The following MCPH1 variants were observed in gnomAD, a reference collection of about 807,000 sequenced individuals.
MCPH1 encodes the protein microcephalin 1.
Under a neutral mutation model 84.5 loss-of-function variants are expected in MCPH1, and 104 were observed. The ratio of observed to expected loss-of-function variants is 1.23; its 90% CI spans 1.05 to 1.45. The LOEUF is 1.45. Among genes scored for constraint, MCPH1 ranks in the 40% most tolerant of loss-of-function variants. The probability of loss-of-function intolerance (pLI) is 0.00; values close to 1 mark genes in which losing one functional copy is unlikely to be tolerated. For synonymous variants in MCPH1, 514 were observed against 366.8 expected, an observed-to-expected ratio of 1.40 and a Z score of -4.58; for missense variants, 1,498 against 1,005.7, an observed-to-expected ratio of 1.49 and a Z score of -6.62.
intron 13 of MCPH1, among the ~76,000 whole-genome samples, chr8:6,631,762 A>G (rs954279416): frequency 6.6e-5 from 10 of 152,188 alleles, no homozygotes; most frequent in Admixed American, 6.5e-4. Context: ...TGTAGCCACG[A>G]TAGAAAACAG....
chr8:6,457,725 G>A (rs1311455149), intron 9 of MCPH1, among the ~76,000 whole-genome samples: 7 of 152,212 alleles, frequency 4.6e-5, no homozygotes, highest in Non-Finnish European at 5.9e-5. Flanking sequence ...TAGTGAGGGC[G>A]AAGAATCCAC....
intron 12 of MCPH1, among the ~76,000 whole-genome samples, chr8:6,600,937 T>A (rs1033365547): frequency 3.3e-5 from 5 of 152,128 alleles, no homozygotes; most frequent in African/African-American, 1.2e-4. Context: ...CCATGCACCG[T>A]TCAGAATCGC....
At chr8:6,533,569 CTT>C (rs56882906) in intron 12 of MCPH1, among the ~76,000 whole-genome samples, 7 of 113,350 alleles carry the variant, frequency 6.2e-5, no homozygotes, top group Non-Finnish European at 1.0e-4. Context: ...CGTTTAGTTT[CTT>C]TTTTTTTTTT....
At chr8:6,592,539 C>G (rs574319007) in intron 12 of MCPH1, among the ~76,000 whole-genome samples, 32 of 151,464 alleles carry the variant, frequency 2.1e-4, no homozygotes, top group African/African-American at 7.3e-4. Context: ...TCCATTCTTC[C>G]TCTCTCTCTA....
At chr8:6,510,091 G>T (rs1303960115) in intron 12 of MCPH1, among the ~76,000 whole-genome samples, 1 of 152,034 alleles carries the variant, frequency 6.6e-6, no homozygotes, top group Admixed American at 6.5e-5. Flanking sequence ...GCTTACATCG[G>T]TCATCTGTGT....
intron 13 of MCPH1, among the ~76,000 whole-genome samples, chr8:6,627,500 G>T (rs1297689444): frequency 2.0e-5 from 3 of 152,206 alleles, no homozygotes; most frequent in East Asian, 1.9e-4. Context: ...CCTTTGAGTT[G>T]TTCTTAAAAC....
intron 5 of MCPH1, among the ~76,000 whole-genome samples, chr8:6,437,826 C>G (rs1034829781): frequency 1.3e-5 from 2 of 152,134 alleles, no homozygotes; most frequent in South Asian, 4.1e-4. Context: ...TCTGTTTTCT[C>G]CTTCCCTCCT....
intron 3 of MCPH1, among the ~76,000 whole-genome samples, chr8:6,417,699 C>G (rs943068805): frequency 3.3e-5 from 5 of 152,026 alleles, no homozygotes; most frequent in Admixed American, 6.5e-5. Context: ...TTTGGTTTTC[C>G]TGTCTTCGGT....
intron 12 of MCPH1, among the ~76,000 whole-genome samples, chr8:6,544,052 G>C (rs1286154410): frequency 3.3e-5 from 5 of 152,198 alleles, no homozygotes; most frequent in Admixed American, 2.6e-4. Flanking sequence ...TGGAGCAAAA[G>C]CAAAACAATA....
chr8:6,511,982 T>G lies in MCPH1; in HGVS notation c.2214+12053T>G, dbSNP rs142723029. 4.6e-3 allele frequency among the ~76,000 whole-genome samples: 704 copies of G among 152,008 alleles called. 5 individuals are homozygous for G. The highest frequency in any genetic ancestry group is 0.016 in the African/African-American group (675 of 41,444). ...AATATTTAACTTGGAGGTAAAACAC[T>G]GACCAACCACTTGTGTCTCAAAATT... On this transcript the variant is annotated intron_variant, in intron 12 of 13. Coordinates refer to ENST00000344683, the MANE Select transcript of MCPH1 (RefSeq NM_024596.5).
rs571369735 is a variant in MCPH1 at position 6,533,969 on chromosome 8, A to G, written c.2214+34040A>G. ...ACTGGTATCAGATGGTTTTAGGATT[A>G]GGCTGGAACTATAAGTTTCCTGTTT... On this transcript the variant is annotated intron_variant, in intron 12 of 13. Coordinates refer to ENST00000344683, the MANE Select transcript of MCPH1 (RefSeq NM_024596.5). Among the ~76,000 whole-genome samples the G allele has an allele frequency of 2.6e-4, 39 of 152,286 alleles. 1 individual carries two copies. Among genetic ancestry groups the G allele is most frequent in the Middle Eastern group, 3.4e-3 (1 of 294 alleles).
intron 12 of MCPH1, among the ~76,000 whole-genome samples, chr8:6,613,312 G>A (rs1304214146): frequency 6.6e-6 from 1 of 152,356 alleles, no homozygotes. Context: ...AGGGCCACAC[G>A]GCCAACGGTC....
intron 12 of MCPH1, among the ~76,000 whole-genome samples, chr8:6,618,312 G>A (rs1024196351): frequency 6.6e-6 from 1 of 152,220 alleles, no homozygotes; most frequent in Non-Finnish European, 1.5e-5. Context: ...ATGTACCAGT[G>A]TGGGGGAAAT....
rs1224879261 is a variant in MCPH1, at chr8:6,480,946, C to T, written c.2136+70C>T. The T allele has an allele frequency of 3.8e-5, 59 of 1,556,926 alleles. 2 individuals carry two copies. The highest frequency in any genetic ancestry group is 3.5e-4 in the South Asian group (31 of 89,836). On this transcript the variant is annotated intron_variant, in intron 11 of 13. Coordinates refer to ENST00000344683, the MANE Select transcript of MCPH1 (RefSeq NM_024596.5). ...GATAGAGTGGGTCACCCTGAGGTGCCGACATCAGCACTCAGGCCGGCGTGC... is the reference window on the plus strand; with the variant it reads ...GATAGAGTGGGTCACCCTGAGGTGCTGACATCAGCACTCAGGCCGGCGTGC...
intron 4 of MCPH1, among the ~76,000 whole-genome samples, chr8:6,433,611 C>T (rs548197128): frequency 2.5e-5 from 3 of 120,088 alleles, no homozygotes; most frequent in African/African-American, 3.5e-5. Flanking sequence ...CCAGCCTGGG[C>T]GACAGCAAGG....
At chr8:6,540,383 A>G (rs777057174) in intron 12 of MCPH1, among the ~76,000 whole-genome samples, 2 of 152,138 alleles carry the variant, frequency 1.3e-5, no homozygotes, top group Non-Finnish European at 2.9e-5. Flanking sequence ...GTTTAAGGAG[A>G]CTGCTGTAGT....
intron 2 of MCPH1, among the ~76,000 whole-genome samples, chr8:6,410,454 T>C (rs1433661068): frequency 6.6e-6 from 1 of 152,226 alleles, no homozygotes; most frequent in Non-Finnish European, 1.5e-5. Context: ...ATCATTGAGC[T>C]ATGAGGAAAT....
At chr8:6,503,308 C>T (rs1487257949) in intron 12 of MCPH1, 5 of 1,604,746 alleles carry the variant, frequency 3.1e-6, no homozygotes, top group Middle Eastern at 1.7e-4. Flanking sequence ...GTGATGCCAG[C>T]TCCCACCACG....
In MCPH1 at chr8:6,555,019, G is replaced by C. The variant is rs567120360; in HGVS notation, c.2214+55090G>C. Among the ~76,000 whole-genome samples, 7 of 152,294 alleles carry C rather than the reference G, an allele frequency of 4.6e-5. No individual in the cohort carries two copies. The East Asian group carries it at 1.3e-3, about 29-fold the overall frequency. ...TAGAGTCCAGGCAGTGGTAGGCAGA[G>C]TTCCTTCCCCTTTTTTTTAAACCAC... On this transcript the variant is annotated intron_variant, in intron 12 of 13. Coordinates refer to ENST00000344683, the MANE Select transcript of MCPH1 (RefSeq NM_024596.5).
Sources: gnomAD v4.1 joint callset for allele counts (sites outside exome capture counted in the v4.1 genomes callset) on GRCh38, gnomAD v4.1.1 for gene constraint, MANE v1.5 for transcripts, NCBI Gene and HGNC (gene_info 2026-07-23, HGNC 2026-07-21) for gene names.